The following SNX29 variants were observed in gnomAD, a reference collection of about 807,000 sequenced individuals.
SNX29 encodes sorting nexin 29.
In SNX29, 78 loss-of-function variants were observed where a neutral mutation model predicts 102.1. That is an observed-to-expected ratio of 0.76 (90% CI 0.64 to 0.92). The LOEUF (loss-of-function observed/expected upper bound fraction) is 0.92. SNX29 is among the 40% of genes least tolerant of loss of function. The probability of loss-of-function intolerance (pLI) is 0.00; values close to 1 mark genes in which losing one functional copy is unlikely to be tolerated. For synonymous variants in SNX29, 580 were observed against 414.5 expected (o/e 1.40, Z -4.85); for missense variants, 1,280 against 1,061.7 (o/e 1.21, Z -2.86).
In SNX29 at chr16:12,574,141, T is replaced by G. The variant is rs2079244173; in HGVS notation, c.*5512T>G. 5.5e-6 allele frequency: 1 copy of G among 182,966 alleles called. No individual in the cohort carries two copies. The highest frequency in any genetic ancestry group is 2.0e-4 in the South Asian group (1 of 5,096). 11.3% of individuals were successfully genotyped at this position (182,966 alleles called of 1,614,324 possible). On this transcript the variant is annotated 3_prime_UTR_variant, in exon 21 of 21. Coordinates refer to ENST00000566228, the MANE Select transcript of SNX29 (RefSeq NM_032167.5). ...TGTTAAGGTTTACATAATAGGATTT[T>G]TAAACAAATGTGTTTAATTTTTTAA...
Position 12,569,788 on chromosome 16 carries a change from TC to T in SNX29, c.*1161del, listed in dbSNP as rs2079147343. On this transcript the variant is annotated 3_prime_UTR_variant, in exon 21 of 21. Coordinates refer to ENST00000566228, the MANE Select transcript of SNX29 (RefSeq NM_032167.5). Reference sequence around the variant, plus strand: ...AGAGCACCTCACAGAGCAATAGCCGTCCTCAGATGCTCAGCAAAGTTGTGGC... The same window carrying T: ...AGAGCACCTCACAGAGCAATAGCCGTCTCAGATGCTCAGCAAAGTTGTGGC... 4.3e-6 allele frequency: 1 copy of T among 230,180 alleles called. No individual in the cohort carries two copies. The highest frequency in any genetic ancestry group is 1.8e-4 in the South Asian group (1 of 5,512). 14.3% of individuals were successfully genotyped at this position (230,180 alleles called of 1,614,324 possible). A position where few individuals can be genotyped will look rare whatever the true frequency, so the allele number is the denominator to read the frequency against.
intron 18 of SNX29, among the ~76,000 whole-genome samples, chr16:12,460,619 C>G (rs2086737489): frequency 1.3e-5 from 2 of 151,292 alleles, no homozygotes; most frequent in African/African-American, 4.9e-5. Flanking sequence ...TGGACTATAA[C>G]TTTTTGGCTG....
At chr16:12,275,585 C>G (rs561982181) in intron 14 of SNX29, among the ~76,000 whole-genome samples, 1 of 152,200 alleles carries the variant, frequency 6.6e-6, no homozygotes, top group Admixed American at 6.5e-5. Flanking sequence ...TGGTGGCATC[C>G]ATGTCTGTTT....
At chr16:12,409,127 G>A (rs542626833) in intron 18 of SNX29, among the ~76,000 whole-genome samples, 21 of 152,324 alleles carry the variant, frequency 1.4e-4, no homozygotes, top group African/African-American at 5.1e-4. Context: ...TCATCCGTGA[G>A]TACTTCTTAC....
intron 11 of SNX29, among the ~76,000 whole-genome samples, chr16:12,109,652 G>A (rs2053422605): frequency 6.6e-6 from 1 of 152,152 alleles, no homozygotes; most frequent in Admixed American, 6.5e-5. Context: ...GACATGGTGA[G>A]TAGGGGATGC....
intron 20 of SNX29, among the ~76,000 whole-genome samples, chr16:12,531,385 C>T (rs1035404218): frequency 1.3e-5 from 2 of 151,970 alleles, no homozygotes; most frequent in African/African-American, 2.4e-5. Context: ...ATGGATTGGG[C>T]GATGGGCTAG....
At chr16:12,023,586 AAAAG>A (rs1369045068) in intron 3 of SNX29, among the ~76,000 whole-genome samples, 22 of 143,908 alleles carry the variant, frequency 1.5e-4, no homozygotes, top group East Asian at 5.8e-4. Context: ...TCAAAAAAAA[AAAAG>A]AAAAGAAAAG....
At chr16:12,037,828 A>C (rs926763976) in intron 4 of SNX29, among the ~76,000 whole-genome samples, 3 of 151,820 alleles carry the variant, frequency 2.0e-5, no homozygotes, top group African/African-American at 7.3e-5. Flanking sequence ...GGTGGTGTAC[A>C]CCTGTAGTCC....
chr16:12,470,026 T>A (rs2087258370), intron 18 of SNX29, among the ~76,000 whole-genome samples: 2 of 152,046 alleles, frequency 1.3e-5, no homozygotes, highest in African/African-American at 2.4e-5. Context: ...AAAAATAAAA[T>A]AAATAAATAA....
intron 13 of SNX29, among the ~76,000 whole-genome samples, chr16:12,143,055 T>C (rs1249481862): frequency 6.6e-6 from 1 of 151,518 alleles, no homozygotes; most frequent in Non-Finnish European, 1.5e-5. Flanking sequence ...TGGAGTCCAG[T>C]GGTGCGATCT....
intron 15 of SNX29, among the ~76,000 whole-genome samples, chr16:12,334,938 T>C (rs1358074650): frequency 8.1e-6 from 1 of 124,020 alleles, no homozygotes; most frequent in African/African-American, 2.9e-5. Flanking sequence ...CAACAGTCTT[T>C]CAAATTTGAT....
At position 12,574,112 on chromosome 16, in the gene SNX29, CTTATG is replaced by C. The variant is rs886890657; in HGVS notation, c.*5487_*5491del. The C allele has an allele frequency of 3.2e-4, 60 of 185,960 alleles. No individual in the cohort carries two copies. Among genetic ancestry groups the C allele is most frequent in the African/African-American group, 9.1e-4 (39 of 42,806 alleles). The allele number at this position is 185,960 out of a possible 1,614,324, so 11.5% of individuals were successfully genotyped here. On this transcript the variant is annotated 3_prime_UTR_variant, in exon 21 of 21. Coordinates refer to ENST00000566228, the MANE Select transcript of SNX29 (RefSeq NM_032167.5). ...CCTGTAGTATTATCTTAACTACCCTCTTATGTTAAGGTTTACATAATAGGATTTTT... is the reference window on the plus strand; with the variant it reads ...CCTGTAGTATTATCTTAACTACCCTCTTAAGGTTTACATAATAGGATTTTT...
In SNX29 at chr16:12,483,129, T is replaced by TTTTTTG. The variant is rs1567610301; in HGVS notation, c.2178+5275_2178+5276insGTTTTT. Among the ~76,000 whole-genome samples the TTTTTTG allele has an allele frequency of 2.2e-5, 3 of 134,180 alleles. 1 individual carries two copies. The highest frequency in any genetic ancestry group is 4.8e-5 in the Non-Finnish European group (3 of 62,838). 88.0% of individuals were successfully genotyped at this position (134,180 alleles called of 152,430 possible). On this transcript the variant is annotated intron_variant, in intron 19 of 20. Coordinates refer to ENST00000566228, the MANE Select transcript of SNX29 (RefSeq NM_032167.5). ...AAGTTATTAAGTTTTTTTTTTTTTTTTTTTTTTTTTTTTTGGAGACAGCAC... is the reference window on the plus strand; with the variant it reads ...AAGTTATTAAGTTTTTTTTTTTTTTTTTTTTGTTTTTTTTTTTTTTGGAGACAGCAC...
chr16:12,484,415 G>T (rs192488838), intron 19 of SNX29, among the ~76,000 whole-genome samples: 2 of 152,198 alleles, frequency 1.3e-5, no homozygotes, highest in South Asian at 2.1e-4. Flanking sequence ...TATTTTCCAC[G>T]CTGTAGCAAG....
Position 12,574,112 on chromosome 16 carries a change from C to G in SNX29, c.*5483C>G. The stretch of plus-strand genomic sequence containing the variant: ...CCTGTAGTATTATCTTAACTACCCT[C>G]TTATGTTAAGGTTTACATAATAGGA... On this transcript the variant is annotated 3_prime_UTR_variant, in exon 21 of 21. Transcript: ENST00000566228. 1 of 185,960 alleles carries G rather than the reference C, an allele frequency of 5.4e-6. No homozygotes were observed. Among genetic ancestry groups the G allele is most frequent in the East Asian group, 8.7e-5 (1 of 11,460 alleles). The allele number at this position is 185,960 out of a possible 1,614,324, so 11.5% of individuals were successfully genotyped here. A position where few individuals can be genotyped will look rare whatever the true frequency, so the allele number is the denominator to read the frequency against.
chr16:12,200,997 A>C (rs1596490765), intron 14 of SNX29, among the ~76,000 whole-genome samples: 1 of 152,228 alleles, frequency 6.6e-6, no homozygotes, highest in East Asian at 1.9e-4. Flanking sequence ...TGGAGACAGG[A>C]TTAGAATCTG....
intron 20 of SNX29, among the ~76,000 whole-genome samples, chr16:12,554,945 G>A (rs1298680430): frequency 4.0e-5 from 6 of 150,468 alleles, no homozygotes; most frequent in Admixed American, 6.6e-5. Context: ...CACGGCCTCT[G>A]GAGAAAACAA....
chr16:12,490,773 A>T (rs2151861564), intron 19 of SNX29, among the ~76,000 whole-genome samples: 1 of 152,372 alleles, frequency 6.6e-6, no homozygotes, highest in Non-Finnish European at 1.5e-5. Context: ...GCACCTAAAA[A>T]ATTATTAGGA....
At chr16:12,366,360 G>A (rs904822811) in intron 16 of SNX29, among the ~76,000 whole-genome samples, 3 of 152,212 alleles carry the variant, frequency 2.0e-5, no homozygotes, top group Admixed American at 1.3e-4. Context: ...CTAAGAAGAT[G>A]GTCATGGAGC....
Sources: allele counts gnomAD v4.1 joint callset (sites outside exome capture counted in the v4.1 genomes callset), GRCh38; gene constraint gnomAD v4.1.1; transcripts MANE v1.5; gene names NCBI Gene and HGNC (gene_info 2026-07-23, HGNC 2026-07-21).